The following BRD4 variants were observed in gnomAD, a reference collection of about 807,000 sequenced individuals.
The protein encoded by BRD4 is bromodomain-containing protein 4.
Under a neutral mutation model 142.1 loss-of-function variants are expected in BRD4, and 16 were observed. The observed-to-expected ratio is 0.11, with a 90% CI of 0.08 to 0.17. The LOEUF (loss-of-function observed/expected upper bound fraction) is 0.17. Among genes scored for constraint, BRD4 ranks in the 10% least tolerant of loss-of-function variants. The pLI, the probability that BRD4 is intolerant of heterozygous loss-of-function variation, is 1.00. For synonymous variants in BRD4, 833 were observed against 707.5 expected, an observed-to-expected ratio of 1.18 and a Z score of -2.82; for missense variants, 1,424 against 1,810.9, an observed-to-expected ratio of 0.79 and a Z score of 3.88.
chr19:15,304,665 T>C (rs138475283), intron 1 of BRD4, among the ~76,000 whole-genome samples: 11 of 152,180 alleles, frequency 7.2e-5, no homozygotes, highest in East Asian at 1.9e-4. Flanking sequence ...GGGAAGAAGG[T>C]TGGACTTAAA....
chr19:15,285,907 G>T (rs966017234), intron 1 of BRD4, among the ~76,000 whole-genome samples: 6 of 152,166 alleles, frequency 3.9e-5, no homozygotes, highest in Non-Finnish European at 7.3e-5. Flanking sequence ...TCTGAGTTTA[G>T]TAACTGCTTT....
chr19:15,244,246 C>T lies in BRD4; in HGVS notation c.2566G>A (p.Val856Met), dbSNP rs1401989162. ...STPPHLNQHA[V>M]VSPPALHNAL... ...CACGGCTCACCTGGAGGAGAGACCACTGCGTGCTGGTTGAGATGGGGTGGA... is the reference window on the plus strand; with the variant it reads ...CACGGCTCACCTGGAGGAGAGACCATTGCGTGCTGGTTGAGATGGGGTGGA... Residue 856 changes from valine to methionine, a missense_variant, in exon 13 of 20, where the codon GTG (valine) becomes ATG (methionine). Physicochemically the swap from Val to Met is conservative, Grantham distance 21 (BLOSUM62 1). Transcript: ENST00000679869. 6.4e-7 allele frequency: 1 copy of T among 1,571,296 alleles called. No homozygotes were observed. The highest frequency in any genetic ancestry group is 1.2e-5 in the South Asian group (1 of 85,838).
intron 1 of BRD4, among the ~76,000 whole-genome samples, chr19:15,320,065 T>C (rs186706862): frequency 6.6e-6 from 1 of 152,320 alleles, no homozygotes; most frequent in Non-Finnish European, 1.5e-5. Context: ...TTTATGCCTA[T>C]GTGCATTTTT....
chr19:15,314,306 G>A (rs2047998542), intron 1 of BRD4, among the ~76,000 whole-genome samples: 1 of 152,186 alleles, frequency 6.6e-6, no homozygotes, highest in Admixed American at 6.5e-5. Context: ...AAATTTTCTA[G>A]CCTCCAAGAA....
In BRD4 at chr19:15,243,304, G is replaced by A. The variant is rs2047255765; in HGVS notation, c.2765C>T (p.Pro922Leu). 2 of 1,491,546 alleles carry A rather than the reference G, an allele frequency of 1.3e-6. No homozygotes were observed. The highest frequency in any genetic ancestry group is 1.4e-5 in the African/African-American group (1 of 69,674). 92.4% of individuals were successfully genotyped at this position (1,491,546 alleles called of 1,614,324 possible). The change falls in exon 14 of 20, where the codon CCC (proline) becomes CTC (leucine). Residue 922 changes from proline to leucine, a missense_variant. Physicochemically the swap from Pro to Leu is moderately conservative, Grantham distance 98. Coordinates refer to ENST00000679869, the MANE Select transcript of BRD4 (RefSeq NM_001379291.1). ...CAGCTGCATCTGCATGGAGGTGAGG[G>A]GTGGGGCAGGTGGCTCTTCATCCTC... is the stretch of plus-strand genomic sequence containing the variant. Reference protein sequence around the residue: ...LLEDEEPPAPPLTSMQMQLYL... With the variant: ...LLEDEEPPAPLLTSMQMQLYL...
At position 15,265,556 on chromosome 19, in the gene BRD4, G is replaced by A; in HGVS notation, c.647C>T (p.Pro216Leu). Residue 216 changes from proline to leucine, a missense_variant, in exon 5 of 20, where the codon CCT becomes CTT. Around this residue, in one of 16 missense-constraint regions of BRD4, gnomAD observed 140 missense variants for 131.7 expected, o/e 1.06. Transcript: ENST00000679869. ...GGGGTGAGGCGTGGCCTGCACAGGAGGAGGATTCGGCTGAGGGGTCTGGGT... is the reference window on the plus strand; with the variant it reads ...GGGGTGAGGCGTGGCCTGCACAGGAAGAGGATTCGGCTGAGGGGTCTGGGT... Reference protein sequence around the residue: ...PQTQTPQPNPPPVQATPHPFP... With the variant: ...PQTQTPQPNPLPVQATPHPFP... The A allele has an allele frequency of 3.7e-6, 6 of 1,614,144 alleles. No individual in the cohort carries two copies. The highest frequency in any genetic ancestry group is 2.2e-5 in the East Asian group (1 of 44,878).
intron 7 of BRD4, among the ~76,000 whole-genome samples, chr19:15,258,424 C>T (rs1286731770): frequency 6.6e-6 from 1 of 152,170 alleles, no homozygotes. Flanking sequence ...GCTGGAATTA[C>T]AGGTGCACAC....
chr19:15,327,141 A>G (rs2048114960), intron 1 of BRD4, among the ~76,000 whole-genome samples: 1 of 152,222 alleles, frequency 6.6e-6, no homozygotes, highest in Non-Finnish European at 1.5e-5. Flanking sequence ...AGTACTAGAA[A>G]CATCAATGCC....
Sources: gnomAD v4.1 joint callset for allele counts (sites outside exome capture counted in the v4.1 genomes callset) on GRCh38, gnomAD v4.1.1 for gene constraint, gnomAD v4.1.1 regional missense constraint, MANE v1.5 for transcripts, NCBI Gene and HGNC (gene_info 2026-07-23, HGNC 2026-07-21) for gene names.